The following TMPRSS11F variants were observed in gnomAD, a reference collection of about 807,000 sequenced individuals.
TMPRSS11F encodes transmembrane serine protease 11F.
In TMPRSS11F, 47 loss-of-function variants were observed where a neutral mutation model predicts 60.2. The ratio of observed to expected loss-of-function variants is 0.78; its 90% CI spans 0.62 to 1.00. TMPRSS11F has a LOEUF of 1.00. Among genes scored for constraint, TMPRSS11F ranks in the 50% least tolerant of loss-of-function variants. The pLI is 0.00. For synonymous variants in TMPRSS11F, 166 were observed against 167.3 expected, an observed-to-expected ratio of 0.99 and a Z score of 0.06; for missense variants, 519 against 522.9, an observed-to-expected ratio of 0.99 and a Z score of 0.07.
At chr4:68,078,403 C>T (rs1367245230) in intron 3 of TMPRSS11F, among the ~76,000 whole-genome samples, 1 of 152,148 alleles carries the variant, frequency 6.6e-6, no homozygotes, top group Non-Finnish European at 1.5e-5. Flanking sequence ...TTATTTGGGC[C>T]ACCTTGTCAT....
intron 8 of TMPRSS11F, chr4:68,062,281 A>T (rs1248725569): frequency 2.3e-6 from 1 of 428,012 alleles, no homozygotes; most frequent in Non-Finnish European, 4.5e-6. Flanking sequence ...AATCAAAAAC[A>T]TCTTATTAAA....
chr4:68,068,395 A>T (rs192894238), intron 7 of TMPRSS11F, among the ~76,000 whole-genome samples: 2 of 152,328 alleles, frequency 1.3e-5, no homozygotes, highest in African/African-American at 4.8e-5. Context: ...GAAAGACAGC[A>T]CTAGGGTCAT....
chr4:68,090,420 T>C, intron 3 of TMPRSS11F, 103 bp downstream of exon 3: 2 of 1,424,704 alleles, frequency 1.4e-6, no homozygotes, highest in Non-Finnish European at 1.8e-6. Context: ...AGTATCTCCA[T>C]TATGCAAAAG....
intron 3 of TMPRSS11F, among the ~76,000 whole-genome samples, chr4:68,085,301 A>AT (rs1333855888): frequency 6.6e-6 from 1 of 151,514 alleles, no homozygotes; most frequent in Non-Finnish European, 1.5e-5. Context: ...ATCCCTGAGG[A>AT]ATCGCCACAC....
chr4:68,061,534 A>G (rs1177218097), intron 8 of TMPRSS11F, among the ~76,000 whole-genome samples: 2 of 152,230 alleles, frequency 1.3e-5, no homozygotes. Context: ...TAGAGAGAGA[A>G]TAGTTTCTTA....
At chr4:68,068,356 T>C (rs1723373065) in intron 7 of TMPRSS11F, among the ~76,000 whole-genome samples, 3 of 152,140 alleles carry the variant, frequency 2.0e-5, no homozygotes, top group Non-Finnish European at 1.5e-5. Context: ...TAAAATAATC[T>C]ACATATTATT....
intron 9 of TMPRSS11F, among the ~76,000 whole-genome samples, chr4:68,057,246 C>T (rs1251636652): frequency 6.8e-6 from 1 of 147,598 alleles, no homozygotes; most frequent in Non-Finnish European, 1.5e-5. Context: ...GATCGTACCA[C>T]TGCACTCCAG....
At chr4:68,072,230 A>C (rs59550028) in intron 5 of TMPRSS11F, 93 bp downstream of exon 5, 1 of 92,564 alleles carries the variant, frequency 1.1e-5, no homozygotes, top group African/African-American at 3.9e-5. Context: ...CCAAAAAAAA[A>C]ATATATATAT....
At chr4:68,095,056 T>A (rs1268741048) in intron 2 of TMPRSS11F, among the ~76,000 whole-genome samples, 1 of 151,928 alleles carries the variant, frequency 6.6e-6, no homozygotes, top group Non-Finnish European at 1.5e-5. Flanking sequence ...GTGTCATAAT[T>A]CATGTGAATG....
At chr4:68,081,391 T>C (rs1481690192) in intron 3 of TMPRSS11F, among the ~76,000 whole-genome samples, 1 of 152,182 alleles carries the variant, frequency 6.6e-6, no homozygotes, top group Non-Finnish European at 1.5e-5. Context: ...TATGGAAAAA[T>C]TCCAGAACTC....
chr4:68,057,066 C>G (rs189077512), intron 9 of TMPRSS11F, among the ~76,000 whole-genome samples: 2 of 152,154 alleles, frequency 1.3e-5, no homozygotes, highest in South Asian at 2.1e-4. Flanking sequence ...AGGTGGATCA[C>G]TTAAGGTCAG....
intron 1 of TMPRSS11F, among the ~76,000 whole-genome samples, chr4:68,114,279 A>C (rs766508337): frequency 1.0e-3 from 159 of 152,066 alleles, no homozygotes; most frequent in Non-Finnish European, 1.7e-3. Flanking sequence ...AATTGAAAAC[A>C]GTAGAAAAGT....
intron 9 of TMPRSS11F, among the ~76,000 whole-genome samples, chr4:68,054,934 C>T (rs1723009760): frequency 6.6e-6 from 1 of 152,122 alleles, no homozygotes; most frequent in South Asian, 2.1e-4. Flanking sequence ...GCTATGGTAA[C>T]ACACAACAGG....
chr4:68,061,888 A>G (rs1577909952), intron 8 of TMPRSS11F: 1 of 424,198 alleles, frequency 2.4e-6, no homozygotes, highest in South Asian at 1.7e-5. Flanking sequence ...CAAATGAAAA[A>G]TGAACTTTTA....
At chr4:68,076,204 A>G (rs1303974958) in intron 3 of TMPRSS11F, among the ~76,000 whole-genome samples, 2 of 152,164 alleles carry the variant, frequency 1.3e-5, no homozygotes, top group African/African-American at 4.8e-5. Flanking sequence ...CTGTCCAAAT[A>G]ACAAGGTCGC....
chr4:68,089,710 T>C (rs1723885147), intron 3 of TMPRSS11F, among the ~76,000 whole-genome samples: 1 of 152,124 alleles, frequency 6.6e-6, no homozygotes, highest in Non-Finnish European at 1.5e-5. Context: ...TCTCACATTG[T>C]GAATAATACA....
Position 68,053,838 on chromosome 4 carries a change from A to G in TMPRSS11F, c.*71T>C. 1.4e-6 allele frequency: 2 copies of G among 1,454,224 alleles called. No homozygotes were observed. The highest frequency in any genetic ancestry group is 2.7e-5 in the South Asian group (2 of 74,860). 90.1% of individuals were successfully genotyped at this position (1,454,224 alleles called of 1,614,324 possible). ...AAAAGCACTAATCCAAAGTAAATGA[A>G]TTTAAACAATACAAAATACGCAGGA... On this transcript the variant is annotated 3_prime_UTR_variant, in exon 10 of 10. Coordinates refer to ENST00000356291, the MANE Select transcript of TMPRSS11F (RefSeq NM_207407.2).
intron 1 of TMPRSS11F, among the ~76,000 whole-genome samples, chr4:68,128,732 T>C (rs1724761628): frequency 6.6e-6 from 1 of 152,166 alleles, no homozygotes; most frequent in Non-Finnish European, 1.5e-5. Flanking sequence ...TTTTGTCTTA[T>C]TCTGTCTTTA....
At chr4:68,061,609 G>A (rs1223917568) in intron 8 of TMPRSS11F, among the ~76,000 whole-genome samples, 1 of 152,126 alleles carries the variant, frequency 6.6e-6, no homozygotes, top group East Asian at 1.9e-4. Flanking sequence ...AATTAAAATT[G>A]AATCGTTTTT....
Sources: gnomAD v4.1 joint callset for allele counts (sites outside exome capture counted in the v4.1 genomes callset) on GRCh38, gnomAD v4.1.1 for gene constraint, MANE v1.5 for transcripts, NCBI Gene and HGNC (gene_info 2026-07-23, HGNC 2026-07-21) for gene names.